EFL1: variants seen among roughly 807,000 people sequenced by gnomAD.
EFL1 encodes the protein elongation factor-like GTPase 1.
Under a neutral mutation model 126.7 loss-of-function variants are expected in EFL1, and 76 were observed. The observed-to-expected ratio is 0.60, with a 90% CI of 0.50 to 0.73. The LOEUF is 0.73. Among genes scored for constraint, EFL1 ranks in the 30% least tolerant of loss-of-function variants. The probability of loss-of-function intolerance (pLI) is 0.00; values close to 1 mark genes in which losing one functional copy is unlikely to be tolerated. For synonymous variants in EFL1, 410 were observed against 448.4 expected (o/e 0.91, Z 1.08); for missense variants, 1,128 against 1,343.2 (o/e 0.84, Z 2.50).
At chr15:82,175,419 T>G (rs1327299327) in intron 15 of EFL1, among the ~76,000 whole-genome samples, 4 of 152,198 alleles carry the variant, frequency 2.6e-5, no homozygotes, top group African/African-American at 7.2e-5. Flanking sequence ...CAGAAGCAGT[T>G]CTGTTATTGT....
intron 15 of EFL1, among the ~76,000 whole-genome samples, chr15:82,197,553 T>C (rs893213672): frequency 6.6e-6 from 1 of 152,254 alleles, no homozygotes; most frequent in Non-Finnish European, 1.5e-5. Flanking sequence ...TTTTATATTC[T>C]GCTTCATTGC....
rs1453107221 is a variant in EFL1, at chr15:82,131,030, A to G, written c.3175-469T>C. On this transcript the variant is annotated intron_variant, in intron 19 of 19. Transcript: ENST00000268206. ...GCTCCAACTTAAAAAGAAAAAAAAAAGTATGAAGAATCATGGGAGGTGTGA... is the reference window on the plus strand; with the variant it reads ...GCTCCAACTTAAAAAGAAAAAAAAAGGTATGAAGAATCATGGGAGGTGTGA... Among the ~76,000 whole-genome samples, 4 of 152,156 alleles carry G rather than the reference A, an allele frequency of 2.6e-5. No individual in the cohort carries two copies. In the East Asian group the frequency reaches 5.8e-4, roughly 22 times the overall value.
At chr15:82,227,714 C>T (rs2074779585) in intron 10 of EFL1, 142 bp from the exon 11 acceptor site, 1 of 1,103,382 alleles carries the variant, frequency 9.1e-7, no homozygotes. Flanking sequence ...CTGCTTTATG[C>T]ATCACATCTC....
At chr15:82,168,326 T>C (rs1437370245) in intron 15 of EFL1, among the ~76,000 whole-genome samples, 1 of 152,212 alleles carries the variant, frequency 6.6e-6, no homozygotes, top group East Asian at 1.9e-4. Context: ...TGGATCAGTA[T>C]TGCTTAGCTA....
intron 4 of EFL1, among the ~76,000 whole-genome samples, chr15:82,243,794 T>C (rs113502605): frequency 0.1 from 15,731 of 151,596 alleles, 1,222 homozygotes; most frequent in South Asian, 0.38. Context: ...TCCAGATTCT[T>C]TGAAATTCAT....
At chr15:82,166,159 T>C (rs1299214086) in intron 15 of EFL1, among the ~76,000 whole-genome samples, 2 of 152,192 alleles carry the variant, frequency 1.3e-5, no homozygotes, top group Non-Finnish European at 2.9e-5. Context: ...AGCATGCATT[T>C]CCTTCCTACA....
intron 2 of EFL1, among the ~76,000 whole-genome samples, chr15:82,261,089 T>A (rs913216198): frequency 2.6e-5 from 4 of 152,210 alleles, no homozygotes; most frequent in African/African-American, 9.6e-5. Flanking sequence ...CCTGTAATGA[T>A]TATCTCCATT....
intron 6 of EFL1, among the ~76,000 whole-genome samples, chr15:82,239,482 T>G (rs1037037945): frequency 5.3e-5 from 8 of 152,186 alleles, no homozygotes; most frequent in Non-Finnish European, 1.2e-4. Context: ...CATCATTCTT[T>G]TTCACTGTTC....
chr15:82,258,586 A>G (rs189942804), intron 3 of EFL1, among the ~76,000 whole-genome samples: 33 of 152,334 alleles, frequency 2.2e-4, no homozygotes, highest in African/African-American at 7.9e-4. Context: ...CACTATTTTC[A>G]TCACAATCCT....
chr15:82,176,999 G>A (rs2074201653), intron 15 of EFL1, among the ~76,000 whole-genome samples: 1 of 152,174 alleles, frequency 6.6e-6, no homozygotes, highest in South Asian at 2.1e-4. Flanking sequence ...AATGAAAAAT[G>A]CCCAATGCAA....
chr15:82,213,840 C>A (rs2074614078), intron 15 of EFL1, among the ~76,000 whole-genome samples: 1 of 152,160 alleles, frequency 6.6e-6, no homozygotes, highest in Non-Finnish European at 1.5e-5. Flanking sequence ...AGAAGCTAAG[C>A]ATTCTACAAA....
chr15:82,207,821 C>G (rs1354368304), intron 15 of EFL1, among the ~76,000 whole-genome samples: 2 of 150,986 alleles, frequency 1.3e-5, no homozygotes, highest in Admixed American at 6.6e-5. Context: ...CCCCCGGGTT[C>G]AAGGGATTCT....
At chr15:82,194,358 G>A (rs2074388519) in intron 15 of EFL1, among the ~76,000 whole-genome samples, 1 of 152,144 alleles carries the variant, frequency 6.6e-6, no homozygotes, top group Non-Finnish European at 1.5e-5. Flanking sequence ...AAATGAATCC[G>A]GCGCCATTCT....
chr15:82,247,046 C>T (rs554347118), intron 4 of EFL1, among the ~76,000 whole-genome samples: 14 of 152,140 alleles, frequency 9.2e-5, no homozygotes, highest in African/African-American at 1.7e-4. Flanking sequence ...AGACTGAAGA[C>T]GCTGGCAAGA....
At chr15:82,174,294 CGCAGGGGTCAG>C (rs2074170290) in intron 15 of EFL1, 1 of 152,084 alleles carries the variant, frequency 6.6e-6, no homozygotes, top group Non-Finnish European at 1.5e-5. Context: ...TTGGGGAAAT[CGCAGGGGTCAG>C]CACACCTGGA....
At chr15:82,180,948 G>A (rs944672490) in intron 15 of EFL1, among the ~76,000 whole-genome samples, 2 of 151,996 alleles carry the variant, frequency 1.3e-5, no homozygotes, top group South Asian at 2.1e-4. Context: ...GGCTGGTCTC[G>A]AACTTCTGGG....
intron 7 of EFL1, among the ~76,000 whole-genome samples, chr15:82,236,012 T>C (rs1413839213): frequency 6.6e-6 from 1 of 152,108 alleles, no homozygotes; most frequent in African/African-American, 2.4e-5. Flanking sequence ...CAAAAATTAA[T>C]TGTATTTCTA....
chr15:82,130,717 G>A (rs1187848360), intron 19 of EFL1, among the ~76,000 whole-genome samples, 156 bp from the exon 20 acceptor site: 2 of 152,152 alleles, frequency 1.3e-5, no homozygotes, highest in South Asian at 2.1e-4. Context: ...ATGAAGAATC[G>A]GCAGGGTGTG....
At chr15:82,207,295 T>TAG (rs933596149) in intron 15 of EFL1, among the ~76,000 whole-genome samples, 10 of 119,386 alleles carry the variant, frequency 8.4e-5, no homozygotes, top group Non-Finnish European at 1.4e-4. Context: ...TGTATATATA[T>TAG]ATATATATAT....
Sources: allele counts gnomAD v4.1 joint callset (sites outside exome capture counted in the v4.1 genomes callset), GRCh38; gene constraint gnomAD v4.1.1; transcripts MANE v1.5; gene names NCBI Gene and HGNC (gene_info 2026-07-23, HGNC 2026-07-21).